Variants in VPS11 observed in about 807,000 individuals in gnomAD.
VPS11 encodes the protein vacuolar protein sorting-associated protein 11 homolog.
In VPS11, 51 loss-of-function variants were observed where a neutral mutation model predicts 106.8. That is an observed-to-expected ratio of 0.48 (90% CI 0.38 to 0.60). The LOEUF is 0.60. VPS11 is among the 20% of genes least tolerant of loss of function. The pLI, the probability that VPS11 is intolerant of heterozygous loss-of-function variation, is 0.00. For missense variants in VPS11, 950 were observed against 1,190.0 expected, an observed-to-expected ratio of 0.80 and a Z score of 2.97; for synonymous variants, 453 against 458.7, an observed-to-expected ratio of 0.99 and a Z score of 0.16.
At chr11:119,072,955 A>G (rs1037388036) in intron 5 of VPS11, 22 of 535,730 alleles carry the variant, frequency 4.1e-5, no homozygotes, top group Non-Finnish European at 5.4e-5. Flanking sequence ...ATGAATGGAT[A>G]TGTTAGTGTA....
At chr11:119,075,736 C>T (rs1945585865) in intron 7 of VPS11, among the ~76,000 whole-genome samples, 1 of 150,600 alleles carries the variant, frequency 6.6e-6, no homozygotes, top group South Asian at 2.1e-4. Context: ...CCTGTAATCC[C>T]ATCTTAAAAA....
chr11:119,077,774 T>A, intron 9 of VPS11, 104 bp from the exon 10 acceptor site: 1 of 1,553,828 alleles, frequency 6.4e-7, no homozygotes, highest in South Asian at 1.2e-5. Context: ...ACTCTCAACT[T>A]GGGCAGAGCC....
intron 4 of VPS11, among the ~76,000 whole-genome samples, chr11:119,071,265 G>C (rs1945377778): frequency 1.3e-5 from 2 of 152,134 alleles, no homozygotes; most frequent in Admixed American, 1.3e-4. Context: ...CGTTGGACAA[G>C]TATCTTTACC....
chr11:119,074,810 G>A (rs1458011430), intron 7 of VPS11, among the ~76,000 whole-genome samples: 1 of 152,124 alleles, frequency 6.6e-6, no homozygotes, highest in African/African-American at 2.4e-5. Flanking sequence ...GTATGCAGTT[G>A]AGCCGATGAT....
chr11:119,080,599 C>T (rs537952723), intron 14 of VPS11, among the ~76,000 whole-genome samples: 3 of 152,206 alleles, frequency 2.0e-5, no homozygotes, highest in East Asian at 1.9e-4. Flanking sequence ...GAACTCCTGA[C>T]GTCAGGTGAT....
At chr11:119,074,368 G>A (rs1458251061) in intron 7 of VPS11, among the ~76,000 whole-genome samples, 1 of 152,110 alleles carries the variant, frequency 6.6e-6, no homozygotes, top group Non-Finnish European at 1.5e-5. Flanking sequence ...TTACAGGCAT[G>A]AGCCACTGCG....
At position 119,079,262 on chromosome 11, in the gene VPS11, C is replaced by T. The variant is rs1243071654; in HGVS notation, c.2400C>T (p.Thr800=). 1 of 1,603,100 alleles carries T rather than the reference C, an allele frequency of 6.2e-7. No individual in the cohort carries two copies. Among genetic ancestry groups the T allele is most frequent in the Non-Finnish European group, 8.5e-7 (1 of 1,174,954 alleles). Residue 800 remains threonine, a synonymous_variant, in exon 14 of 16, where the codon ACC becomes ACT. Transcript: ENST00000621676. ...GGGTGCGGCGGTACCGAGAGGAGAC[C>T]ACCCGTATCCGCCAGGAGATCCAAG... ...ELRVRRYREE[T]TRIRQEIQEL...
chr11:119,069,331 G>A lies in VPS11; in HGVS notation c.323G>A (p.Gly108Asp). 6.2e-7 allele frequency: 1 copy of A among 1,613,994 alleles called. No homozygotes were observed. Among genetic ancestry groups the A allele is most frequent in the Non-Finnish European group, 8.5e-7 (1 of 1,179,888 alleles). Residue 108 changes from glycine (G) to aspartate (D), a missense_variant, in exon 2 of 16, where the codon GGC (glycine) becomes GAC (aspartate). Coordinates refer to ENST00000621676, the MANE Select transcript of VPS11 (RefSeq NM_021729.6). ...ILASVGEDEE[G>D]INPLVKIWNL... Reference sequence around the variant, plus strand: ...GCATCTGTTGGAGAAGATGAAGAGGGCATCAACCCCTTGGTGAGTCCCAGC... The same window carrying A: ...GCATCTGTTGGAGAAGATGAAGAGGACATCAACCCCTTGGTGAGTCCCAGC...
chr11:119,078,794 G>C lies in VPS11; in HGVS notation c.2064-1G>C. On this transcript the variant is annotated splice_acceptor_variant, in intron 12 of 15. Coordinates refer to ENST00000621676, the MANE Select transcript of VPS11 (RefSeq NM_021729.6). LOFTEE classifies it high-confidence loss of function. ...GAGGTGTGCCCTTGCCCCGGCCGCA[G>C]GTTCCAGCAGATCATGCACTACCAC... is the stretch of plus-strand genomic sequence containing the variant. 1 of 1,613,076 alleles carries C rather than the reference G, an allele frequency of 6.2e-7. No individual in the cohort carries two copies. The highest frequency in any genetic ancestry group is 8.5e-7 in the Non-Finnish European group (1 of 1,179,464).
At chr11:119,068,215 A>C in intron 1 of VPS11, 1 of 499,890 alleles carries the variant, frequency 2.0e-6, no homozygotes, top group Non-Finnish European at 3.4e-6. Flanking sequence ...AAGTCATTTA[A>C]CCTCTCTGGG....
intron 11 of VPS11, 55 bp downstream of exon 11, chr11:119,078,389 TC>T: frequency 1.1e-5 from 18 of 1,592,828 alleles, no homozygotes; most frequent in Non-Finnish European, 1.5e-5. Flanking sequence ...TCTCCATTCT[TC>T]CGTCTTGGTG....
chr11:119,070,741 GATT>G (rs1945350931), intron 4 of VPS11: 1 of 160,974 alleles, frequency 6.2e-6, no homozygotes, highest in Non-Finnish European at 1.4e-5. Flanking sequence ...GAGTAGCTGG[GATT>G]ACAGGCACAC....
chr11:119,073,156 C>T (rs189019969), intron 5 of VPS11, 42 bp from the exon 6 acceptor site: 5 of 1,570,658 alleles, frequency 3.2e-6, no homozygotes, highest in Admixed American at 3.7e-5. Context: ...GGAGATAAGA[C>T]AGAGATGTCC....
intron 7 of VPS11, 22 bp downstream of exon 7, chr11:119,073,973 G>A (rs1269861387): frequency 1.9e-6 from 3 of 1,592,376 alleles, no homozygotes; most frequent in African/African-American, 2.7e-5. Flanking sequence ...GGCACTTTGG[G>A]ATATAGCTGT....
Position 119,073,193 on chromosome 11 carries a change from T to C in VPS11, c.885-5T>C. On this transcript the variant is annotated splice_region_variant and splice_polypyrimidine_tract_variant and intron_variant, in intron 5 of 15. Transcript: ENST00000621676. The stretch of plus-strand genomic sequence containing the variant: ...AACATCTGGTGCTTTTTCTTTCCTA[T>C]GCAGGTCAGAGTTTACCAGCAGGGA... 1 of 1,610,744 alleles carries C rather than the reference T, an allele frequency of 6.2e-7. No homozygotes were observed. Among genetic ancestry groups the C allele is most frequent in the Non-Finnish European group, 8.5e-7 (1 of 1,178,336 alleles).
chr11:119,071,358 T>C (rs1181955905), intron 4 of VPS11, among the ~76,000 whole-genome samples: 4 of 152,242 alleles, frequency 2.6e-5, no homozygotes, highest in Admixed American at 1.3e-4. Flanking sequence ...ATTACATTTT[T>C]CTTACTTGCA....
intron 4 of VPS11, 110 bp downstream of exon 4, chr11:119,070,507 A>G: frequency 8.4e-7 from 1 of 1,197,438 alleles, no homozygotes; most frequent in Admixed American, 3.2e-5. Flanking sequence ...AGTTTTAATC[A>G]TATAATTCGA....
At chr11:119,079,407 C>T (rs1945767035) in intron 14 of VPS11, 107 bp downstream of exon 14, 1 of 1,320,256 alleles carries the variant, frequency 7.6e-7, no homozygotes, top group Non-Finnish European at 1.0e-6. Flanking sequence ...TGCTTTTGAG[C>T]ATTTTGATTC....
At position 119,076,924 on chromosome 11, in the gene VPS11, C is replaced by T. The variant is rs540261; in HGVS notation, c.1266C>T (p.Tyr422=). 0.44 allele frequency: 711,927 copies of T among 1,613,408 alleles called. 162,135 individuals carry two copies. Among genetic ancestry groups the T allele is most frequent in the East Asian group, 0.77 (34,400 of 44,860 alleles). Residue 422 remains tyrosine, a synonymous_variant, in exon 8 of 16, where the codon TAC becomes TAT. Transcript: ENST00000621676. ...CCATTGGAAAGTTGGAGCCATCCTACGTGATCCGCAAGTTTCTGGATGCCC... is the reference window on the plus strand; with the variant it reads ...CCATTGGAAAGTTGGAGCCATCCTATGTGATCCGCAAGTTTCTGGATGCCC... ...IRTIGKLEPS[Y]VIRKFLDAQR...
Sources: allele counts gnomAD v4.1 joint callset (sites outside exome capture counted in the v4.1 genomes callset), GRCh38; gene constraint gnomAD v4.1.1; transcripts MANE v1.5; gene names NCBI Gene and HGNC (gene_info 2026-07-23, HGNC 2026-07-21).